The following CFAP119 variants were observed in gnomAD, a reference collection of about 807,000 sequenced individuals.
CFAP119 encodes cilia and flagella associated protein 119.
At chr16:30,761,301 A>G in the CFAP119 span, 1 of 1,600,218 alleles carries the variant, frequency 6.2e-7, no homozygotes, top group African/African-American at 1.3e-5. Context: ...AGCAGGCCGG[A>G]GAAGCCGCTG....
chr16:30,761,685 A>T, the CFAP119 span: 1 of 1,535,778 alleles, frequency 6.5e-7, no homozygotes, highest in Non-Finnish European at 8.7e-7. Flanking sequence ...CGCAGCTCGG[A>T]GAGATGTTCA....
the CFAP119 span, chr16:30,760,593 C>A: frequency 3.2e-6 from 5 of 1,560,218 alleles, no homozygotes; most frequent in Non-Finnish European, 4.3e-6. Flanking sequence ...CCCACGCCCC[C>A]CTCAGTCCCT....
chr16:30,761,357 G>A, the CFAP119 span: 3 of 1,441,044 alleles, frequency 2.1e-6, no homozygotes, highest in Non-Finnish European at 2.9e-6. Flanking sequence ...CGCGGGCGAG[G>A]GAGGGCTTCA....
chr16:30,759,503 C>T, the CFAP119 span: 1 of 1,614,162 alleles, frequency 6.2e-7, no homozygotes, highest in Non-Finnish European at 8.5e-7. Flanking sequence ...CCTTCCGGAG[C>T]CCTGGCTTTG....
the CFAP119 span, chr16:30,759,071 T>C: frequency 6.2e-7 from 1 of 1,614,244 alleles, no homozygotes; most frequent in Non-Finnish European, 8.5e-7. Flanking sequence ...GGTAACTGCC[T>C]GCTCCTCCAT....
At chr16:30,759,620 G>A in the CFAP119 span, 3 of 1,613,952 alleles carry the variant, frequency 1.9e-6, no homozygotes, top group African/African-American at 1.3e-5. Context: ...TCTGGGGATG[G>A]GTAAAGTTTC....
At chr16:30,759,931 T>A in the CFAP119 span, 1 of 1,441,652 alleles carries the variant, frequency 6.9e-7, no homozygotes, top group Non-Finnish European at 9.1e-7. Flanking sequence ...ACAGACAAGG[T>A]CCTGCCCTTA....
the CFAP119 span, chr16:30,760,127 G>C: frequency 1.9e-6 from 3 of 1,553,126 alleles, no homozygotes; most frequent in Non-Finnish European, 2.6e-6. Context: ...AGATAAGGAA[G>C]CAGTGGATTG....
the CFAP119 span, chr16:30,759,961 G>A: frequency 6.9e-7 from 1 of 1,449,038 alleles, no homozygotes; most frequent in Non-Finnish European, 9.0e-7. Context: ...TATTCTAGGG[G>A]AATAAACCAA....
the CFAP119 span, chr16:30,761,779 CG>C: frequency 6.7e-7 from 1 of 1,496,618 alleles, no homozygotes; most frequent in Non-Finnish European, 8.9e-7. Context: ...CGAGGCGCCC[CG>C]GGCTCCCGCC....
the CFAP119 span, chr16:30,758,051 T>TGTTATTGTC: frequency 6.0e-6 from 1 of 165,486 alleles, no homozygotes; most frequent in Non-Finnish European, 1.3e-5. Flanking sequence ...ATGTGCTGGC[T>TGTTATTGTC]GTTATTGTCA....
the CFAP119 span, chr16:30,759,469 G>T: frequency 1.2e-6 from 2 of 1,614,164 alleles, no homozygotes; most frequent in Middle Eastern, 1.7e-4. Context: ...CTGTGGTGGT[G>T]ACTCGGAATT....
the CFAP119 span, chr16:30,759,794 T>G: frequency 1.3e-6 from 2 of 1,536,268 alleles, no homozygotes; most frequent in Non-Finnish European, 1.7e-6. Flanking sequence ...ACTCAACAGC[T>G]GTTTATGACC....
At chr16:30,761,740 G>C in the CFAP119 span, 1 of 1,522,946 alleles carries the variant, frequency 6.6e-7, no homozygotes, top group East Asian at 2.5e-5. Flanking sequence ...TGGTCTTGCG[G>C]TTGAGCATCT....
chr16:30,759,273 G>A, the CFAP119 span: 5 of 1,613,912 alleles, frequency 3.1e-6, no homozygotes, highest in Non-Finnish European at 1.7e-6. Context: ...GAGGGAGGCT[G>A]AAAGGAGTGC....
the CFAP119 span, chr16:30,760,033 G>A: frequency 2.0e-6 from 3 of 1,500,266 alleles, no homozygotes; most frequent in South Asian, 2.6e-5. Flanking sequence ...TTCTAAAGCA[G>A]GTGTTATTGT....
chr16:30,760,939 C>T, the CFAP119 span: 3 of 610,420 alleles, frequency 4.9e-6, no homozygotes, highest in South Asian at 6.0e-5. Context: ...CCCTGTGGCC[C>T]TCAGTGTCCC....
At chr16:30,759,413 C>T in the CFAP119 span, 1 of 1,614,232 alleles carries the variant, frequency 6.2e-7, no homozygotes, top group Non-Finnish European at 8.5e-7. Flanking sequence ...TCTTCCAAGG[C>T]CAGCAGCTGT....
the CFAP119 span, chr16:30,762,016 A>G: frequency 3.9e-6 from 2 of 513,998 alleles, no homozygotes; most frequent in South Asian, 2.8e-5. Context: ...ATACGTGAGA[A>G]GTTGCGAGTG....
Sources: allele counts gnomAD v4.1 joint callset, GRCh38; gene constraint gnomAD v4.1.1; transcripts MANE v1.5; gene names NCBI Gene and HGNC (gene_info 2026-07-23, HGNC 2026-07-21).